Variants in SLC14A2 observed in about 807,000 individuals in gnomAD.
SLC14A2 encodes solute carrier family 14 member 2, also known as urea transporter 2.
Under a neutral mutation model 104.6 loss-of-function variants are expected in SLC14A2, and 91 were observed. The ratio of observed to expected loss-of-function variants is 0.87; its 90% CI spans 0.73 to 1.04. The LOEUF (loss-of-function observed/expected upper bound fraction) is 1.04, where lower values mean the gene tolerates loss of function less well. Among genes scored for constraint, SLC14A2 ranks in the 50% least tolerant of loss-of-function variants. SLC14A2 has a pLI of 0.00. For missense variants in SLC14A2, 1,189 were observed against 1,156.0 expected (o/e 1.03, Z -0.41); for synonymous variants, 476 against 466.4 (o/e 1.02, Z -0.27).
chr18:45,170,137 T>C, the SLC14A2 span, among the ~76,000 whole-genome samples: 1 of 152,196 alleles, frequency 6.6e-6, no homozygotes, highest in East Asian at 1.9e-4. Flanking sequence ...TTTTGAGTCG[T>C]GGCTCGGTCA....
intron 2 of SLC14A2, among the ~76,000 whole-genome samples, chr18:45,595,584 ACT>A (rs1229334624): frequency 6.6e-6 from 1 of 152,070 alleles, no homozygotes; most frequent in East Asian, 1.9e-4. Flanking sequence ...GAAATTGTGT[ACT>A]CTCCACCAGG....
intron 1 of SLC14A2, among the ~76,000 whole-genome samples, chr18:45,410,024 G>C (rs1321780082): frequency 6.6e-6 from 1 of 152,168 alleles, no homozygotes. Context: ...GTGGTGATGG[G>C]AGACAGTGAC....
intron 2 of SLC14A2, among the ~76,000 whole-genome samples, chr18:45,556,594 T>C (rs1463310711): frequency 1.3e-5 from 2 of 152,202 alleles, no homozygotes; most frequent in Non-Finnish European, 2.9e-5. Context: ...GACTTCCCTT[T>C]CTGTAAAATG....
the SLC14A2 span, among the ~76,000 whole-genome samples, chr18:45,173,649 T>C: frequency 6.6e-6 from 1 of 152,180 alleles, no homozygotes; most frequent in South Asian, 2.1e-4. Context: ...TTTTAGAACC[T>C]GACTTGGAAC....
rs2046168087 is a variant in SLC14A2 at position 45,673,039 on chromosome 18, T to C, written c.2369T>C (p.Met790Thr). 6.2e-7 allele frequency: 1 copy of C among 1,613,966 alleles called. No homozygotes were observed. The highest frequency in any genetic ancestry group is 8.5e-7 in the Non-Finnish European group (1 of 1,179,886). ...LHAAIGSTMG[M>T]LAALTIATPF... ...GCAGCAATTGGATCCACCATGGGGA[T>C]GCTAGCAGGTCTGTGTCCTCACTTC... The change falls in exon 17 of 20, where the codon ATG becomes ACG. Residue 790 changes from methionine to threonine, a missense_variant. Physicochemically the swap from Met to Thr is moderately conservative, Grantham distance 81. Coordinates refer to ENST00000255226, the MANE Select transcript of SLC14A2 (RefSeq NM_007163.4).
At chr18:45,341,378 G>A (rs575103465) in intron 1 of SLC14A2, among the ~76,000 whole-genome samples, 4 of 152,136 alleles carry the variant, frequency 2.6e-5, no homozygotes, top group Non-Finnish European at 4.4e-5. Context: ...TTGCAGTCAT[G>A]CACAGAGTGG....
At chr18:45,367,673 A>G (rs1413944273) in intron 1 of SLC14A2, among the ~76,000 whole-genome samples, 1 of 152,156 alleles carries the variant, frequency 6.6e-6, no homozygotes, top group Non-Finnish European at 1.5e-5. Flanking sequence ...GTAACCTCAC[A>G]TTGGTAGCTT....
intron 2 of SLC14A2, among the ~76,000 whole-genome samples, chr18:45,555,522 G>A (rs1415062074): frequency 6.6e-6 from 1 of 152,082 alleles, no homozygotes; most frequent in Non-Finnish European, 1.5e-5. Context: ...ACAATCTACA[G>A]AAAAAAAGCT....
At chr18:45,574,706 T>A (rs552531465) in intron 2 of SLC14A2, among the ~76,000 whole-genome samples, 5 of 152,236 alleles carry the variant, frequency 3.3e-5, no homozygotes, top group Non-Finnish European at 5.9e-5. Flanking sequence ...TCCTCCTTCA[T>A]TGACAAATGT....
At chr18:45,195,353 C>T in the SLC14A2 span, among the ~76,000 whole-genome samples, 2 of 152,140 alleles carry the variant, frequency 1.3e-5, no homozygotes, top group African/African-American at 4.8e-5. Flanking sequence ...TAGAAGATTG[C>T]TAAAAAGGTT....
At chr18:45,681,785 C>G (rs2046312755) in intron 19 of SLC14A2, among the ~76,000 whole-genome samples, 1 of 152,254 alleles carries the variant, frequency 6.6e-6, no homozygotes, top group Admixed American at 6.5e-5. Context: ...CTCTGTGCCT[C>G]TTAGTTCAAC....
intron 1 of SLC14A2, among the ~76,000 whole-genome samples, chr18:45,439,010 A>T (rs12960143): frequency 6.6e-6 from 1 of 152,160 alleles, no homozygotes; most frequent in African/African-American, 2.4e-5. Flanking sequence ...CAGGCTAGAC[A>T]TGATAGATTA....
chr18:45,583,170 C>T (rs1314773803), intron 2 of SLC14A2, among the ~76,000 whole-genome samples: 1 of 152,194 alleles, frequency 6.6e-6, no homozygotes, highest in Non-Finnish European at 1.5e-5. Flanking sequence ...GCTCTAAATC[C>T]TCTTTCACTA....
chr18:45,629,351 G>A (rs2045310093), intron 4 of SLC14A2, among the ~76,000 whole-genome samples: 1 of 152,192 alleles, frequency 6.6e-6, no homozygotes, highest in Admixed American at 6.5e-5. Flanking sequence ...TGGTGGGTGA[G>A]ATTAAAAATG....
At chr18:45,282,154 G>T (rs1176237281) in intron 1 of SLC14A2, among the ~76,000 whole-genome samples, 4 of 152,132 alleles carry the variant, frequency 2.6e-5, no homozygotes, top group Non-Finnish European at 4.4e-5. Flanking sequence ...TTGCACCCCA[G>T]GTCTGAGTCC....
intron 1 of SLC14A2, among the ~76,000 whole-genome samples, chr18:45,473,672 CTTTG>C (rs759530389): frequency 9.2e-5 from 14 of 152,154 alleles, no homozygotes; most frequent in African/African-American, 2.9e-4. Context: ...TGATTTGGCT[CTTTG>C]TTTGTCTATG....
At chr18:45,326,430 T>C (rs2085234986) in intron 1 of SLC14A2, among the ~76,000 whole-genome samples, 1 of 152,056 alleles carries the variant, frequency 6.6e-6, no homozygotes, top group African/African-American at 2.4e-5. Flanking sequence ...ATATCTAAAA[T>C]GTATAGGAAA....
At chr18:45,182,203 A>G in the SLC14A2 span, among the ~76,000 whole-genome samples, 1 of 152,218 alleles carries the variant, frequency 6.6e-6, no homozygotes, top group South Asian at 2.1e-4. Context: ...AAAATTAGAT[A>G]AACAGACTTT....
At chr18:45,368,871 A>C (rs957579442) in intron 1 of SLC14A2, among the ~76,000 whole-genome samples, 1 of 152,210 alleles carries the variant, frequency 6.6e-6, no homozygotes, top group Non-Finnish European at 1.5e-5. Flanking sequence ...TTAGTAATCC[A>C]ATTAAATTGG....
Sources: gnomAD v4.1 joint callset for allele counts (sites outside exome capture counted in the v4.1 genomes callset) on GRCh38, gnomAD v4.1.1 for gene constraint, MANE v1.5 for transcripts, NCBI Gene and HGNC (gene_info 2026-07-23, HGNC 2026-07-21) for gene names.